ZSWIM5: variants seen among roughly 807,000 people sequenced by gnomAD.
ZSWIM5 encodes zinc finger SWIM domain-containing protein 5.
A neutral mutation model predicts 119.6 loss-of-function variants in ZSWIM5; 55 were observed. That is an observed-to-expected ratio of 0.46 (90% confidence interval 0.37 to 0.58). The LOEUF is 0.58. Ranked by LOEUF, ZSWIM5 falls within the 20% of genes least tolerant of loss-of-function variation. The pLI, the probability that ZSWIM5 is intolerant of heterozygous loss-of-function variation, is 0.00. For synonymous variants in ZSWIM5, 537 were observed against 606.9 expected (o/e 0.88, Z 1.69); for missense variants, 1,193 against 1,512.8 (o/e 0.79, Z 3.51).
chr1:45,102,898 T>C (rs1314675280), intron 1 of ZSWIM5, among the ~76,000 whole-genome samples: 2 of 152,156 alleles, frequency 1.3e-5, no homozygotes, highest in African/African-American at 2.4e-5. Context: ...GGTCTTGCTT[T>C]GTCGCCTAGG....
rs74070879 is a variant in ZSWIM5 at position 45,158,690 on chromosome 1, T to C, written c.595+47066A>G. Among the ~76,000 whole-genome samples, 783 of 152,312 alleles carry C rather than the reference T, an allele frequency of 5.1e-3. 5 individuals carry two copies. The highest frequency in any genetic ancestry group is 0.017 in the African/African-American group (689 of 41,564). On this transcript the variant is annotated intron_variant, in intron 1 of 13. Coordinates refer to ENST00000359600, the MANE Select transcript of ZSWIM5 (RefSeq NM_020883.2). ...AATGGATTTCAACATGTCTGGTACA[T>C]AAAAGATCCTTAATAAATGTCAGTT...
chr1:45,198,458 T>C (rs530554680), intron 1 of ZSWIM5, among the ~76,000 whole-genome samples: 5 of 152,330 alleles, frequency 3.3e-5, no homozygotes, highest in Admixed American at 3.3e-4. Flanking sequence ...ACTTGCTGAC[T>C]TTCCGGAGGG....
At chr1:45,176,412 T>A (rs1296872532) in intron 1 of ZSWIM5, among the ~76,000 whole-genome samples, 1 of 151,894 alleles carries the variant, frequency 6.6e-6, no homozygotes, top group African/African-American at 2.4e-5. Flanking sequence ...TACAGGTGCA[T>A]GCCACCACAC....
At chr1:45,129,952 C>G (rs1645644959) in intron 1 of ZSWIM5, among the ~76,000 whole-genome samples, 1 of 151,980 alleles carries the variant, frequency 6.6e-6, no homozygotes, top group African/African-American at 2.4e-5. Flanking sequence ...GGCTGCAGTG[C>G]AGCAGTGTGA....
chr1:45,027,345 C>G (rs753879842), intron 11 of ZSWIM5, among the ~76,000 whole-genome samples: 26 of 151,840 alleles, frequency 1.7e-4, no homozygotes, highest in Non-Finnish European at 3.7e-4. Flanking sequence ...CTCTATTTTA[C>G]TAATGTGCAA....
At chr1:45,074,726 T>G (rs1645246216) in intron 2 of ZSWIM5, among the ~76,000 whole-genome samples, 1 of 151,930 alleles carries the variant, frequency 6.6e-6, no homozygotes, top group Admixed American at 6.5e-5. Flanking sequence ...ATTTCTGCTC[T>G]GATCTTTATT....
At position 45,098,289 on chromosome 1, in the gene ZSWIM5, C is replaced by A. The variant is rs1023224735; in HGVS notation, c.596-10052G>T. ...TTATCCTTGGCTTCTCCTTCTGATT[C>A]ATATACAAAAGGTCACTAAATCCTG... On this transcript the variant is annotated intron_variant, in intron 1 of 13. Transcript: ENST00000359600. Among the ~76,000 whole-genome samples, 4 of 152,302 alleles carry A rather than the reference C, an allele frequency of 2.6e-5. No homozygotes were observed. In the South Asian group the frequency reaches 8.3e-4, roughly 32 times the overall value.
intron 1 of ZSWIM5, among the ~76,000 whole-genome samples, chr1:45,164,575 C>A (rs1645888272): frequency 6.6e-6 from 1 of 151,992 alleles, no homozygotes; most frequent in Non-Finnish European, 1.5e-5. Context: ...TCAGGAGACC[C>A]ATCTCACGTG....
chr1:45,132,315 T>C (rs182461977), intron 1 of ZSWIM5, among the ~76,000 whole-genome samples: 11 of 152,272 alleles, frequency 7.2e-5, no homozygotes, highest in Admixed American at 3.3e-4. Context: ...ATTTTCTCCC[T>C]CATAAAATAA....
At chr1:45,084,845 G>A (rs1164059276) in intron 2 of ZSWIM5, among the ~76,000 whole-genome samples, 1 of 152,258 alleles carries the variant, frequency 6.6e-6, no homozygotes, top group African/African-American at 2.4e-5. Flanking sequence ...AGTGCCTGTG[G>A]CTTTTCCAGG....
Position 45,206,270 on chromosome 1 carries a change from G to T in ZSWIM5, c.81C>A (p.Ser27Arg), listed in dbSNP as rs780348781. The T allele has an allele frequency of 1.3e-6, 2 of 1,581,566 alleles. No individual in the cohort carries two copies. The part of the protein sequence containing the change: ...SPAKRQCSWP[S>R]PQAHHPRGSP... ...AACCGCGAGGGTGATGAGCCTGCGG[G>T]CTGGGCCACGAACACTGCCGCTTAG... The change falls in exon 1 of 14, where the codon AGC (serine) becomes AGA (arginine). Residue 27 changes from serine to arginine, a missense_variant. This residue lies in a region of ZSWIM5 where 232 missense variants were observed against 222.9 expected (regional missense o/e 1.04). Coordinates refer to ENST00000359600, the MANE Select transcript of ZSWIM5 (RefSeq NM_020883.2).
chr1:45,132,069 T>G (rs346694), intron 1 of ZSWIM5, among the ~76,000 whole-genome samples: 55 of 149,422 alleles, frequency 3.7e-4, no homozygotes, highest in African/African-American at 1.3e-3. Flanking sequence ...AATAATAAAT[T>G]ATATAATAAT....
At chr1:45,176,857 A>G (rs1241071973) in intron 1 of ZSWIM5, among the ~76,000 whole-genome samples, 1 of 152,046 alleles carries the variant, frequency 6.6e-6, no homozygotes, top group East Asian at 1.9e-4. Context: ...AGACTCTGAC[A>G]TCTCAAATTA....
At chr1:45,150,698 C>A (rs1645791719) in intron 1 of ZSWIM5, among the ~76,000 whole-genome samples, 1 of 152,076 alleles carries the variant, frequency 6.6e-6, no homozygotes, top group African/African-American at 2.4e-5. Context: ...TGTTTTATAT[C>A]ATAATTATTT....
At chr1:45,142,070 C>T (rs988210656) in intron 1 of ZSWIM5, among the ~76,000 whole-genome samples, 4 of 151,980 alleles carry the variant, frequency 2.6e-5, no homozygotes, top group Non-Finnish European at 5.9e-5. Context: ...ATTAGCCAGC[C>T]ATGGTTGTGC....
chr1:45,175,340 C>T (rs1645973456), intron 1 of ZSWIM5, among the ~76,000 whole-genome samples: 1 of 152,128 alleles, frequency 6.6e-6, no homozygotes, highest in Non-Finnish European at 1.5e-5. Context: ...TAGTGTTTGC[C>T]TGGATTCCTC....
chr1:45,035,802 C>T lies in ZSWIM5; in HGVS notation c.2177G>A (p.Gly726Glu), dbSNP rs780084383. The change falls in exon 10 of 14, where the codon GGA (glycine) becomes GAA (glutamate). Residue 726 changes from glycine (G) to glutamate (E), a missense_variant. Gly to Glu is a moderately conservative substitution (Grantham distance 98). Coordinates refer to ENST00000359600, the MANE Select transcript of ZSWIM5 (RefSeq NM_020883.2). ...AACACTCTCTCGGTGGATGACTTCT[C>T]CCAGACCGCTGAAAGGACCTCCTGG... ...LLEGGPFSGL[G>E]EVIHRESVPM... The T allele has an allele frequency of 2.5e-5, 41 of 1,613,446 alleles. No homozygotes were observed. The highest frequency in any genetic ancestry group is 3.4e-5 in the Non-Finnish European group (40 of 1,179,942).
chr1:45,030,371 T>C (rs1644945618), intron 11 of ZSWIM5, among the ~76,000 whole-genome samples: 1 of 152,138 alleles, frequency 6.6e-6, no homozygotes, highest in African/African-American at 2.4e-5. Flanking sequence ...CTCAGCCTCC[T>C]GAGTAGCTGG....
At chr1:45,185,588 A>G (rs1300310427) in intron 1 of ZSWIM5, among the ~76,000 whole-genome samples, 4 of 151,772 alleles carry the variant, frequency 2.6e-5, no homozygotes, top group African/African-American at 7.3e-5. Flanking sequence ...AAAAGTGGGC[A>G]AAGGATATGA....
Sources: allele counts gnomAD v4.1 joint callset (sites outside exome capture counted in the v4.1 genomes callset), GRCh38; gene constraint gnomAD v4.1.1; regional missense constraint gnomAD v4.1.1; transcripts MANE v1.5; gene names NCBI Gene and HGNC (gene_info 2026-07-23, HGNC 2026-07-21).